Variants in CCL20 observed in about 807,000 individuals in gnomAD.
The protein encoded by CCL20 is C-C motif chemokine ligand 20.
CCL20 carries 8 observed loss-of-function variants against 10.8 expected under a neutral mutation model. The ratio of observed to expected loss-of-function variants is 0.74; its 90% CI spans 0.44 to 1.34. The LOEUF is 1.34. Ranked by LOEUF, CCL20 falls within the 40% of genes most tolerant of loss-of-function variation. The probability of loss-of-function intolerance (pLI) is 0.01; values close to 1 mark genes in which losing one functional copy is unlikely to be tolerated. For missense variants in CCL20, 107 were observed against 117.9 expected (o/e 0.91, Z 0.43); for synonymous variants, 40 against 39.4 (o/e 1.02, Z -0.06).
intron 2 of CCL20, 173 bp from the exon 3 acceptor site, chr2:227,816,134 A>C: frequency 1.8e-6 from 1 of 558,346 alleles, no homozygotes; most frequent in Non-Finnish European, 3.2e-6. Flanking sequence ...AGAGAGAATC[A>C]CTTTGATTTT....
Position 227,816,331 on chromosome 2 carries a change from T to A in CCL20, c.216T>A (p.Ser72=). ...AIIFHTKKKL[S]VCANPKQTWV... ...GCTTTCACACAAAGAAAAAGTTGTC[T>A]GTGTGCGCAAATCCAAAACAGACTT... is the stretch of plus-strand genomic sequence containing the variant. The change falls in exon 3 of 4, where the codon TCT becomes TCA. Residue 72 remains serine, a synonymous_variant. Coordinates refer to ENST00000358813, the MANE Select transcript of CCL20 (RefSeq NM_004591.3). 6.2e-7 allele frequency: 1 copy of A among 1,611,536 alleles called. No individual in the cohort carries two copies. Among genetic ancestry groups the A allele is most frequent in the Non-Finnish European group, 8.5e-7 (1 of 1,177,890 alleles).
chr2:227,814,699 A>G (rs923980029), intron 1 of CCL20, among the ~76,000 whole-genome samples: 2 of 151,902 alleles, frequency 1.3e-5, no homozygotes, highest in Admixed American at 1.3e-4. Context: ...CTCCAGTCTC[A>G]GCCTCTTGAA....
rs1690018922 is a variant in CCL20 at position 227,815,936 on chromosome 2, A to T, written c.191+368A>T. On this transcript the variant is annotated intron_variant, in intron 2 of 3. Transcript: ENST00000358813. ...CAGAAAGTGTTTGAGACCAAAAGTA[A>T]AATCTCAGACTAATTATACTATCAC... is the stretch of plus-strand genomic sequence containing the variant. 9 of 239,140 alleles carry T rather than the reference A, an allele frequency of 3.8e-5. No homozygotes were observed. In the South Asian group the frequency reaches 3.9e-4, roughly 10 times the overall value. The allele number at this position is 239,140 out of a possible 1,614,324, so 14.8% of individuals were successfully genotyped here.
At position 227,815,692 on chromosome 2, in the gene CCL20, T is replaced by C. The variant is rs576686426; in HGVS notation, c.191+124T>C. ...TGATGTTTTGAACATAAGATCTTAT[T>C]TTAAAGAGAAAGAAATGATGTGGCA... On this transcript the variant is annotated intron_variant, in intron 2 of 3. Transcript: ENST00000358813. The C allele has an allele frequency of 4.0e-5, 24 of 606,478 alleles. No homozygotes were observed. In the East Asian group the frequency reaches 6.4e-4, roughly 16 times the overall value. The allele number at this position is 606,478 out of a possible 1,614,324, so 37.6% of individuals were successfully genotyped here. A position where few individuals can be genotyped will look rare whatever the true frequency, so the allele number is the denominator to read the frequency against.
Position 227,813,861 on chromosome 2 carries a change from A to G in CCL20, c.-51A>G. ...GCTGTCAGAATATAACAGCACTCCCAAAGAACTGGGTACTCAACACTGAGC... is the reference window on the plus strand; with the variant it reads ...GCTGTCAGAATATAACAGCACTCCCGAAGAACTGGGTACTCAACACTGAGC... On this transcript the variant is annotated 5_prime_UTR_variant, in exon 1 of 4. Coordinates refer to ENST00000358813, the MANE Select transcript of CCL20 (RefSeq NM_004591.3). 1 of 1,426,966 alleles carries G rather than the reference A, an allele frequency of 7.0e-7. No individual in the cohort carries two copies. The highest frequency in any genetic ancestry group is 9.9e-7 in the Non-Finnish European group (1 of 1,009,682). 88.4% of individuals were successfully genotyped at this position (1,426,966 alleles called of 1,614,324 possible).
At chr2:227,816,087 C>G in intron 2 of CCL20, 1 of 496,478 alleles carries the variant, frequency 2.0e-6, no homozygotes, top group South Asian at 2.9e-5. Flanking sequence ...ACTTTATCTT[C>G]CTGCCATTGT....
At chr2:227,816,270 G>A (rs756326584) in intron 2 of CCL20, 37 bp from the exon 3 acceptor site, 73 of 1,244,538 alleles carry the variant, frequency 5.9e-5, no homozygotes, top group Non-Finnish European at 8.1e-5. Flanking sequence ...CCATTGAAAA[G>A]CTCATTAAAC....
In CCL20 at chr2:227,813,990, A is replaced by G; in HGVS notation, c.76+3A>G. On this transcript the variant is annotated splice_donor_region_variant and intron_variant, in intron 1 of 3. Coordinates refer to ENST00000358813, the MANE Select transcript of CCL20 (RefSeq NM_004591.3). ...CCACCTCTGCGGCGAATCAGAAGGT[A>G]AGTGTCGCTCTTTCCGCTAGCACAG... The G allele has an allele frequency of 6.2e-6, 10 of 1,613,246 alleles. No individual in the cohort carries two copies. The highest frequency in any genetic ancestry group is 8.5e-6 in the Non-Finnish European group (10 of 1,179,128).
At chr2:227,815,387 A>G (rs776438707) in intron 1 of CCL20, 67 bp from the exon 2 acceptor site, 170 of 786,882 alleles carry the variant, frequency 2.2e-4, no homozygotes, top group Non-Finnish European at 3.0e-4. Context: ...AGGTAGTTTT[A>G]TAATACCAAT....
chr2:227,814,560 T>C (rs1025227014), intron 1 of CCL20, among the ~76,000 whole-genome samples: 1 of 147,976 alleles, frequency 6.8e-6, no homozygotes, highest in Non-Finnish European at 1.5e-5. Flanking sequence ...TAGCAACAGG[T>C]GCATTCCTAA....
chr2:227,815,235 C>T (rs1179979669), intron 1 of CCL20: 2 of 367,200 alleles, frequency 5.4e-6, no homozygotes, highest in Non-Finnish European at 9.7e-6. Flanking sequence ...CTTCTCGGCA[C>T]ACAAACTGTT....
At chr2:227,815,798 A>T (rs3138116) in intron 2 of CCL20, 19,425 of 380,036 alleles carry the variant, frequency 0.051, 792 homozygotes, top group Admixed American at 0.16. Context: ...TTTTTTAAAA[A>T]TTTTTTTTGG....
At chr2:227,816,864 T>C (rs1004172923) in intron 3 of CCL20, among the ~76,000 whole-genome samples, 198 bp from the exon 4 acceptor site, 3 of 152,216 alleles carry the variant, frequency 2.0e-5, no homozygotes, top group Non-Finnish European at 2.9e-5. Context: ...CCATAGCCTG[T>C]TTCTGTCATT....
rs538599471 is a variant in CCL20 at position 227,817,478 on chromosome 2, T to A, written c.*395T>A. On this transcript the variant is annotated 3_prime_UTR_variant, in exon 4 of 4. Coordinates refer to ENST00000358813, the MANE Select transcript of CCL20 (RefSeq NM_004591.3). The stretch of plus-strand genomic sequence containing the variant: ...ATTCTTTTGTTTATATTGTTTTGTC[T>A]CCTAAATTGTTGTAATTGCATTATA... 6 of 153,986 alleles carry A rather than the reference T, an allele frequency of 3.9e-5. No homozygotes were observed. In the East Asian group the frequency reaches 9.4e-4, roughly 24 times the overall value. The allele number at this position is 153,986 out of a possible 1,614,324, so 9.5% of individuals were successfully genotyped here.
intron 1 of CCL20, among the ~76,000 whole-genome samples, chr2:227,814,415 A>G (rs989693350): frequency 6.6e-6 from 1 of 152,190 alleles, no homozygotes; most frequent in Non-Finnish European, 1.5e-5. Flanking sequence ...ACCTGACATC[A>G]ACATCCCCAC....
chr2:227,816,778 A>G (rs1489892587), intron 3 of CCL20, among the ~76,000 whole-genome samples: 1 of 152,254 alleles, frequency 6.6e-6, no homozygotes, highest in Non-Finnish European at 1.5e-5. Context: ...ATAGACAGTA[A>G]CACTTTATCA....
At chr2:227,816,487 G>A (rs900326494) in intron 3 of CCL20, 103 bp downstream of exon 3, 1 of 568,420 alleles carries the variant, frequency 1.8e-6, no homozygotes, top group Admixed American at 3.2e-5. Context: ...TAACTATTGT[G>A]GAATTTTTAA....
intron 3 of CCL20, among the ~76,000 whole-genome samples, chr2:227,816,697 T>G (rs1690029441): frequency 6.6e-6 from 1 of 152,262 alleles, no homozygotes; most frequent in African/African-American, 2.4e-5. Flanking sequence ...TGGCATTTGG[T>G]TGTTTGTTAA....
rs1366803972 is a variant in CCL20, at chr2:227,813,928, G to A, written c.17G>A (p.Ser6Asn). 1.2e-6 allele frequency: 2 copies of A among 1,614,124 alleles called. No homozygotes were observed. Among genetic ancestry groups the A allele is most frequent in the South Asian group, 1.1e-5 (1 of 91,090 alleles). ...CTAAAAACCATGTGCTGTACCAAGAGTTTGCTCCTGGCTGCTTTGATGTCA... is the reference window on the plus strand; with the variant it reads ...CTAAAAACCATGTGCTGTACCAAGAATTTGCTCCTGGCTGCTTTGATGTCA... MCCTKSLLLAALMSVL... is the reference protein window; with the variant it reads MCCTKNLLLAALMSVL... Residue 6 changes from serine (S) to asparagine (N), a missense_variant, in exon 1 of 4, where the codon AGT becomes AAT. Transcript: ENST00000358813.
Sources: allele counts gnomAD v4.1 joint callset (sites outside exome capture counted in the v4.1 genomes callset), GRCh38; gene constraint gnomAD v4.1.1; transcripts MANE v1.5; gene names NCBI Gene and HGNC (gene_info 2026-07-23, HGNC 2026-07-21).